The following PTPRG variants were observed in gnomAD, a reference collection of about 807,000 sequenced individuals.
PTPRG encodes protein tyrosine phosphatase receptor type G.
PTPRG carries 102 observed loss-of-function variants against 165.3 expected under a neutral mutation model. That is an observed-to-expected ratio of 0.62 (90% CI 0.53 to 0.73). The LOEUF is 0.73. Among genes scored for constraint, PTPRG ranks in the 30% least tolerant of loss-of-function variants. The pLI is 0.00. For synonymous variants in PTPRG, 675 were observed against 669.5 expected (o/e 1.01, Z -0.13); for missense variants, 1,866 against 1,861.4 (o/e 1.00, Z -0.05).
At chr3:61,612,212 C>T (rs1265166012) in intron 1 of PTPRG, among the ~76,000 whole-genome samples, 1 of 152,206 alleles carries the variant, frequency 6.6e-6, no homozygotes, top group East Asian at 1.9e-4. Context: ...TCCCAAAGTG[C>T]TGGGATTACA....
intron 4 of PTPRG, among the ~76,000 whole-genome samples, chr3:62,022,342 T>C (rs2041715545): frequency 6.6e-6 from 1 of 152,234 alleles, no homozygotes; most frequent in Non-Finnish European, 1.5e-5. Context: ...ATGTCTGATC[T>C]TTTAGTTAAA....
chr3:61,591,859 C>T (rs1422098957), intron 1 of PTPRG, among the ~76,000 whole-genome samples: 1 of 152,158 alleles, frequency 6.6e-6, no homozygotes, highest in East Asian at 1.9e-4. Context: ...CTAAGTTACT[C>T]AACCTATTCT....
intron 2 of PTPRG, among the ~76,000 whole-genome samples, chr3:61,899,803 G>A (rs907323208): frequency 3.9e-5 from 6 of 152,134 alleles, no homozygotes; most frequent in Non-Finnish European, 8.8e-5. Flanking sequence ...GGGATTCATC[G>A]GGATGTCGTG....
At chr3:61,650,325 C>T (rs536552778) in intron 1 of PTPRG, among the ~76,000 whole-genome samples, 2 of 152,298 alleles carry the variant, frequency 1.3e-5, no homozygotes, top group South Asian at 4.1e-4. Flanking sequence ...CATTGCCACT[C>T]ACCTAGGAAC....
intron 16 of PTPRG, among the ~76,000 whole-genome samples, chr3:62,259,518 T>C (rs1215576669): frequency 6.6e-6 from 1 of 152,262 alleles, no homozygotes; most frequent in African/African-American, 2.4e-5. Context: ...TTGGATAAGC[T>C]TGCTGTAGAG....
intron 10 of PTPRG, among the ~76,000 whole-genome samples, chr3:62,196,471 A>G (rs957164796): frequency 6.6e-6 from 1 of 152,208 alleles, no homozygotes; most frequent in Non-Finnish European, 1.5e-5. Flanking sequence ...TAAAAATCTC[A>G]TGAATAAAAT....
intron 2 of PTPRG, among the ~76,000 whole-genome samples, chr3:61,830,796 A>T (rs2036266096): frequency 6.6e-6 from 1 of 151,388 alleles, no homozygotes. Context: ...CTGGTCTCGA[A>T]CTCCCGACCT....
intron 2 of PTPRG, among the ~76,000 whole-genome samples, chr3:61,757,749 A>G (rs2033679370): frequency 6.6e-6 from 1 of 152,172 alleles, no homozygotes; most frequent in Non-Finnish European, 1.5e-5. Flanking sequence ...GTATATAAAT[A>G]TTTTTTTCAT....
chr3:61,738,968 T>C lies in PTPRG; in HGVS notation c.86-9910T>C, dbSNP rs2032872540. Among the ~76,000 whole-genome samples the C allele has an allele frequency of 1.5e-5, 2 of 129,140 alleles. 1 individual carries two copies. Among genetic ancestry groups the C allele is most frequent in the South Asian group, 4.9e-4 (2 of 4,106 alleles). The allele number at this position is 129,140 out of a possible 152,430, so 84.7% of individuals were successfully genotyped here. A position where few individuals can be genotyped will look rare whatever the true frequency, so the allele number is the denominator to read the frequency against. ...TTTGTAGAGATGGGGTCTTGCTCTG[T>C]TGCTTTTTTTTTTTTTTTTTTTGTT... is the stretch of plus-strand genomic sequence containing the variant. On this transcript the variant is annotated intron_variant, in intron 1 of 29. Coordinates refer to ENST00000474889, the MANE Select transcript of PTPRG (RefSeq NM_002841.4).
intron 4 of PTPRG, among the ~76,000 whole-genome samples, chr3:62,025,871 G>C (rs1172280066): frequency 6.6e-6 from 1 of 151,682 alleles, no homozygotes; most frequent in Non-Finnish European, 1.5e-5. Context: ...TTGGCTTTTA[G>C]AAGGCAAAAC....
chr3:61,600,159 C>CAA (rs376881197), intron 1 of PTPRG, among the ~76,000 whole-genome samples: 14 of 113,550 alleles, frequency 1.2e-4, no homozygotes, highest in Middle Eastern at 4.4e-3. Context: ...GACATTGTCT[C>CAA]AAAAAAAAAA....
intron 2 of PTPRG, among the ~76,000 whole-genome samples, chr3:61,888,270 A>G (rs1243798777): frequency 1.3e-5 from 2 of 151,620 alleles, no homozygotes; most frequent in African/African-American, 4.9e-5. Flanking sequence ...TAGACGTATT[A>G]TGCCCCTTTA....
At chr3:61,907,049 A>G (rs1418084670) in intron 2 of PTPRG, among the ~76,000 whole-genome samples, 1 of 152,182 alleles carries the variant, frequency 6.6e-6, no homozygotes, top group Non-Finnish European at 1.5e-5. Context: ...AATGTTTGAA[A>G]TTATAAAGCA....
intron 1 of PTPRG, among the ~76,000 whole-genome samples, chr3:61,710,458 G>C (rs2031495223): frequency 6.6e-6 from 1 of 152,140 alleles, no homozygotes; most frequent in Admixed American, 6.5e-5. Context: ...TTAGATATAA[G>C]AGGAAACTTC....
chr3:62,269,297 A>G (rs1701983790), intron 20 of PTPRG, 128 bp downstream of exon 20: 2 of 1,011,560 alleles, frequency 2.0e-6, no homozygotes, highest in South Asian at 4.7e-5. Flanking sequence ...ACATTTTTTC[A>G]TAACTCTTTT....
chr3:61,956,425 C>T (rs975052908), intron 2 of PTPRG, among the ~76,000 whole-genome samples: 25 of 127,778 alleles, frequency 2.0e-4, no homozygotes, highest in African/African-American at 8.2e-4. Flanking sequence ...AACTTTTGGT[C>T]ATTACTATTC....
chr3:62,110,864 G>T (rs1041818231), intron 5 of PTPRG, among the ~76,000 whole-genome samples: 1 of 152,188 alleles, frequency 6.6e-6, no homozygotes, highest in African/African-American at 2.4e-5. Context: ...AATAGTTTCT[G>T]ACACTAGATC....
At chr3:61,592,034 A>G (rs1046364034) in intron 1 of PTPRG, among the ~76,000 whole-genome samples, 9 of 151,196 alleles carry the variant, frequency 6.0e-5, no homozygotes, top group African/African-American at 1.5e-4. Flanking sequence ...AGTCAACGGC[A>G]TGATCTCCGT....
At chr3:62,121,013 C>T (rs1011201618) in intron 5 of PTPRG, among the ~76,000 whole-genome samples, 5 of 151,752 alleles carry the variant, frequency 3.3e-5, no homozygotes, top group South Asian at 2.1e-4. Flanking sequence ...GGCCCTATCT[C>T]GGCTCACTGC....
Sources: gnomAD v4.1 joint callset for allele counts (sites outside exome capture counted in the v4.1 genomes callset) on GRCh38, gnomAD v4.1.1 for gene constraint, MANE v1.5 for transcripts, NCBI Gene and HGNC (gene_info 2026-07-23, HGNC 2026-07-21) for gene names.